The following CMTM7 variants were observed in gnomAD, a reference collection of about 807,000 sequenced individuals.
CMTM7 encodes CKLF like MARVEL transmembrane domain containing 7.
A neutral mutation model predicts 19.3 loss-of-function variants in CMTM7; 7 were observed. That is an observed-to-expected ratio of 0.36 (90% CI 0.21 to 0.68). The LOEUF is 0.68. Among genes scored for constraint, CMTM7 ranks in the 30% least tolerant of loss-of-function variants. CMTM7 has a pLI of 0.60. For missense variants in CMTM7, 193 were observed against 232.6 expected (o/e 0.83, Z 1.11); for synonymous variants, 87 against 99.3 (o/e 0.88, Z 0.74).
At chr3:32,398,871 G>C (rs1695957391) in intron 1 of CMTM7, among the ~76,000 whole-genome samples, 1 of 152,160 alleles carries the variant, frequency 6.6e-6, no homozygotes, top group Non-Finnish European at 1.5e-5. Context: ...TGTAGTCCCA[G>C]CTACTCGGGA....
intron 1 of CMTM7, among the ~76,000 whole-genome samples, chr3:32,413,383 G>A (rs1696209627): frequency 6.6e-6 from 1 of 152,156 alleles, no homozygotes. Flanking sequence ...TGACCTTAAA[G>A]ACAGTGACAT....
chr3:32,401,696 C>T (rs1442930426), intron 1 of CMTM7, among the ~76,000 whole-genome samples: 2 of 152,248 alleles, frequency 1.3e-5, no homozygotes, highest in African/African-American at 4.8e-5. Context: ...GGAAGCCTGG[C>T]TCGGCCGCCG....
chr3:32,443,777 T>C (rs1696715370), intron 2 of CMTM7, among the ~76,000 whole-genome samples: 1 of 152,234 alleles, frequency 6.6e-6, no homozygotes, highest in South Asian at 2.1e-4. Context: ...TAAAGTGTTA[T>C]TTCCTGTGGT....
intron 1 of CMTM7, among the ~76,000 whole-genome samples, chr3:32,440,322 G>T (rs551758364): frequency 2.4e-4 from 37 of 151,946 alleles, no homozygotes; most frequent in African/African-American, 8.7e-4. Context: ...CAAGAGAATC[G>T]CTTGAATCTC....
At position 32,408,936 on chromosome 3, in the gene CMTM7, G is replaced by A. The variant is rs185118273; in HGVS notation, c.159+16871G>A. On this transcript the variant is annotated intron_variant, in intron 1 of 4. Coordinates refer to ENST00000334983, the MANE Select transcript of CMTM7 (RefSeq NM_138410.4). The stretch of plus-strand genomic sequence containing the variant: ...TCTCGCTCTGTCGCCAGGCTGGAGT[G>A]CAGTGGTGCAATCTTGGCTCACTGC... Among the ~76,000 whole-genome samples the A allele has an allele frequency of 1.5e-3, 235 of 151,814 alleles. 1 individual carries two copies. Among genetic ancestry groups the A allele is most frequent in the African/African-American group, 5.4e-3 (223 of 41,356 alleles).
chr3:32,447,149 TTC>T (rs1423772503), intron 2 of CMTM7, among the ~76,000 whole-genome samples: 1 of 152,174 alleles, frequency 6.6e-6, no homozygotes, highest in Non-Finnish European at 1.5e-5. Flanking sequence ...ATTTTCTGAT[TTC>T]TCTTATGATT....
chr3:32,406,008 G>A (rs1233326632), intron 1 of CMTM7, among the ~76,000 whole-genome samples: 1 of 152,196 alleles, frequency 6.6e-6, no homozygotes, highest in African/African-American at 2.4e-5. Context: ...ATATACAGGA[G>A]GCTACTGGTG....
chr3:32,420,571 G>A (rs1054833554), intron 1 of CMTM7, among the ~76,000 whole-genome samples: 1 of 152,214 alleles, frequency 6.6e-6, no homozygotes, highest in Non-Finnish European at 1.5e-5. Context: ...CTGTACCTGG[G>A]CCTGCAGGTC....
chr3:32,449,244 G>A lies in CMTM7; in HGVS notation c.334-210G>A, dbSNP rs569345482. Among the ~76,000 whole-genome samples, 5 of 152,170 alleles carry A rather than the reference G, an allele frequency of 3.3e-5. No individual in the cohort carries two copies. The highest frequency in any genetic ancestry group is 7.4e-5 in the Non-Finnish European group (5 of 68,002). ...TGTCCTCTTCCCTTCCTGCCTGCCC[G>A]GCATCACTTCTGTCTTGCTTGGCCT... On this transcript the variant is annotated intron_variant, in intron 2 of 4. Transcript: ENST00000334983. This position sits in a 1 kb window ranked among gnomAD's most constrained non-coding sequence, Gnocchi z 4.5.
chr3:32,402,727 C>T (rs377697325), intron 1 of CMTM7, among the ~76,000 whole-genome samples: 60 of 152,152 alleles, frequency 3.9e-4, no homozygotes, highest in Admixed American at 1.7e-3. Context: ...CTACTGCGCC[C>T]GGCTAACTTT....
At chr3:32,423,260 C>T (rs1246899621) in intron 1 of CMTM7, among the ~76,000 whole-genome samples, 1 of 152,206 alleles carries the variant, frequency 6.6e-6, no homozygotes, top group Admixed American at 6.5e-5. Context: ...TGTCACAAAG[C>T]ACACATTGGG....
intron 1 of CMTM7, among the ~76,000 whole-genome samples, chr3:32,433,737 G>A (rs948380284): frequency 3.9e-5 from 6 of 152,158 alleles, no homozygotes; most frequent in African/African-American, 1.4e-4. Context: ...GAGGATGGCA[G>A]GATGAGCCCA....
intron 1 of CMTM7, among the ~76,000 whole-genome samples, chr3:32,392,778 G>A (rs1179042201): frequency 6.6e-6 from 1 of 152,198 alleles, no homozygotes; most frequent in East Asian, 1.9e-4. Context: ...CACCCGTGGA[G>A]CCAGGCAGGA....
rs376403956 is a variant in CMTM7 at position 32,416,355 on chromosome 3, G to A, written c.159+24290G>A. Among the ~76,000 whole-genome samples, 7 of 135,948 alleles carry A rather than the reference G, an allele frequency of 5.1e-5. 1 individual carries two copies. The South Asian group carries it at 7.2e-4, about 14-fold the overall frequency. The allele number at this position is 135,948 out of a possible 152,430, so 89.2% of individuals were successfully genotyped here. On this transcript the variant is annotated intron_variant, in intron 1 of 4. Transcript: ENST00000334983. ...GGATTACAGACGTGCGCCACCATCCGGGCTAATTTTTTTTTTTTTTTTTTT... is the reference window on the plus strand; with the variant it reads ...GGATTACAGACGTGCGCCACCATCCAGGCTAATTTTTTTTTTTTTTTTTTT...
chr3:32,433,281 T>C (rs894961602), intron 1 of CMTM7, among the ~76,000 whole-genome samples: 17 of 152,258 alleles, frequency 1.1e-4, no homozygotes. Context: ...GTGATCCTGA[T>C]GACCTTTGCC....
intron 1 of CMTM7, among the ~76,000 whole-genome samples, chr3:32,418,971 T>A (rs936329324): frequency 6.6e-6 from 1 of 152,198 alleles, no homozygotes; most frequent in African/African-American, 2.4e-5. Context: ...AACCTGCATA[T>A]CCATTTGGGG....
At chr3:32,452,142 G>A (rs1333186493) in intron 3 of CMTM7, 3 of 1,484,970 alleles carry the variant, frequency 2.0e-6, no homozygotes, top group East Asian at 5.5e-5. Flanking sequence ...GCTGCCAAGA[G>A]TGAAGACCGA....
intron 4 of CMTM7, 115 bp from the exon 5 acceptor site, chr3:32,454,126 G>T: frequency 2.0e-5 from 23 of 1,126,720 alleles, no homozygotes; most frequent in Non-Finnish European, 3.0e-5. Flanking sequence ...AGTCGGCACT[G>T]GGTGGAGGAC....
chr3:32,399,166 A>G (rs1486169399), intron 1 of CMTM7, among the ~76,000 whole-genome samples: 1 of 152,240 alleles, frequency 6.6e-6, no homozygotes, highest in Non-Finnish European at 1.5e-5. Context: ...AAGAAAAATC[A>G]GCAAAGCATC....
Sources: gnomAD v4.1 joint callset for allele counts (sites outside exome capture counted in the v4.1 genomes callset) on GRCh38, gnomAD v4.1.1 for gene constraint, Gnocchi (gnomAD v3.1) non-coding constraint, MANE v1.5 for transcripts, NCBI Gene and HGNC (gene_info 2026-07-23, HGNC 2026-07-21) for gene names.